CDH12: variants seen among roughly 807,000 people sequenced by gnomAD.
CDH12 encodes the protein cadherin-12.
A neutral mutation model predicts 74.1 loss-of-function variants in CDH12; 41 were observed. The ratio of observed to expected loss-of-function variants is 0.55; its 90% CI spans 0.43 to 0.72. The LOEUF (loss-of-function observed/expected upper bound fraction) is 0.72. Among genes scored for constraint, CDH12 ranks in the 30% least tolerant of loss-of-function variants. The pLI is 0.00. For missense variants in CDH12, 945 were observed against 977.2 expected (o/e 0.97, Z 0.44); for synonymous variants, 399 against 355.0 (o/e 1.12, Z -1.39).
intron 6 of CDH12, among the ~76,000 whole-genome samples, chr5:21,911,887 G>A (rs558735961): frequency 1.1e-4 from 16 of 152,042 alleles, no homozygotes; most frequent in African/African-American, 3.9e-4. Context: ...TATAACATTT[G>A]TGATTGTATT....
In CDH12 at chr5:22,156,095, T is replaced by C. The variant is rs1220523081; in HGVS notation, c.-187+56403A>G. On this transcript the variant is annotated intron_variant, in intron 4 of 14. Transcript: ENST00000382254. ...ATAAAAGATAACATTAAATATTCTATTCCTGTTTTCACTTATGCGTTCACT... is the reference window on the plus strand; with the variant it reads ...ATAAAAGATAACATTAAATATTCTACTCCTGTTTTCACTTATGCGTTCACT... Among the ~76,000 whole-genome samples, 3 of 152,312 alleles carry C rather than the reference T, an allele frequency of 2.0e-5. No individual in the cohort carries two copies. The East Asian group carries it at 5.8e-4, about 29-fold the overall frequency.
chr5:22,301,504 C>A (rs1196888609), intron 3 of CDH12, among the ~76,000 whole-genome samples: 3 of 152,062 alleles, frequency 2.0e-5, no homozygotes, highest in Non-Finnish European at 4.4e-5. Flanking sequence ...ACAAAAGAGC[C>A]AAGTAAACTT....
chr5:22,356,127 G>A (rs935908747), intron 3 of CDH12, among the ~76,000 whole-genome samples: 1 of 152,074 alleles, frequency 6.6e-6, no homozygotes, highest in Non-Finnish European at 1.5e-5. Context: ...CTAAACAAGA[G>A]CCTTTTTCAA....
intron 1 of CDH12, among the ~76,000 whole-genome samples, chr5:22,826,134 A>G (rs1736311978): frequency 6.6e-6 from 1 of 152,164 alleles, no homozygotes; most frequent in African/African-American, 2.4e-5. Flanking sequence ...ATTGTGGGAC[A>G]GACATGGTGG....
At chr5:22,849,492 A>G (rs1737452878) in intron 1 of CDH12, among the ~76,000 whole-genome samples, 1 of 152,178 alleles carries the variant, frequency 6.6e-6, no homozygotes, top group Non-Finnish European at 1.5e-5. Context: ...CGGTAAGTCT[A>G]AATACACTAC....
intron 2 of CDH12, among the ~76,000 whole-genome samples, chr5:22,419,863 T>C (rs1352188002): frequency 6.6e-6 from 1 of 152,212 alleles, no homozygotes; most frequent in Non-Finnish European, 1.5e-5. Context: ...TGAGATGGTA[T>C]GGCATTGTGG....
chr5:22,629,515 G>A (rs370462778), intron 1 of CDH12, among the ~76,000 whole-genome samples: 1 of 151,908 alleles, frequency 6.6e-6, no homozygotes, highest in Non-Finnish European at 1.5e-5. Flanking sequence ...AAAACCACAC[G>A]ATCATCTCAA....
chr5:21,999,420 C>T (rs1470337789), intron 5 of CDH12, among the ~76,000 whole-genome samples: 1 of 152,100 alleles, frequency 6.6e-6, no homozygotes, highest in Non-Finnish European at 1.5e-5. Context: ...GCACACAAAC[C>T]CATTGAACTG....
At chr5:22,672,972 T>A (rs1740982832) in intron 1 of CDH12, among the ~76,000 whole-genome samples, 1 of 152,174 alleles carries the variant, frequency 6.6e-6, no homozygotes, top group Admixed American at 6.6e-5. Flanking sequence ...TACCTTTAAT[T>A]TCTTAATTGC....
At chr5:22,026,414 T>A (rs1200126353) in intron 5 of CDH12, among the ~76,000 whole-genome samples, 1 of 152,110 alleles carries the variant, frequency 6.6e-6, no homozygotes, top group Non-Finnish European at 1.5e-5. Context: ...TGCTAACCCT[T>A]GGTTTCGTTA....
intron 1 of CDH12, among the ~76,000 whole-genome samples, chr5:22,699,377 T>A (rs1284459762): frequency 6.6e-6 from 1 of 152,212 alleles, no homozygotes; most frequent in East Asian, 1.9e-4. Flanking sequence ...AAAGTGGGAT[T>A]TCATGTGAAT....
chr5:22,301,471 C>G (rs1273090045), intron 3 of CDH12, among the ~76,000 whole-genome samples: 1 of 152,060 alleles, frequency 6.6e-6, no homozygotes, highest in Non-Finnish European at 1.5e-5. Context: ...TTTGAATCAT[C>G]AGAAAATAAA....
chr5:21,901,172 T>A (rs1228015870), intron 6 of CDH12, among the ~76,000 whole-genome samples: 3 of 152,196 alleles, frequency 2.0e-5, no homozygotes, highest in Non-Finnish European at 2.9e-5. Context: ...AGTTGAGTCA[T>A]GTTCAAGAAA....
intron 4 of CDH12, among the ~76,000 whole-genome samples, chr5:22,114,653 T>C (rs769471642): frequency 6.6e-5 from 10 of 152,212 alleles, no homozygotes; most frequent in Non-Finnish European, 1.3e-4. Flanking sequence ...TCTTTTCTTC[T>C]TATATTGTTG....
intron 5 of CDH12, among the ~76,000 whole-genome samples, chr5:21,980,141 A>G (rs1474333976): frequency 7.7e-6 from 1 of 130,718 alleles, no homozygotes; most frequent in Non-Finnish European, 1.5e-5. Context: ...TAAAACTTAA[A>G]GTATAATAAA....
rs190367832 is a variant in CDH12, at chr5:21,761,617, C to G, written c.1516-942G>C. 1.6e-4 allele frequency among the ~76,000 whole-genome samples: 24 copies of G among 152,158 alleles called. 1 individual carries two copies. Among genetic ancestry groups the G allele is most frequent in the African/African-American group, 5.3e-4 (22 of 41,514 alleles). ...TGCATCATGTGATCTTACACTGATG[C>G]TATTAAACGTGAGATTCAGTTAAAA... On this transcript the variant is annotated intron_variant, in intron 12 of 14. Coordinates refer to ENST00000382254, the MANE Select transcript of CDH12 (RefSeq NM_004061.5).
intron 3 of CDH12, among the ~76,000 whole-genome samples, chr5:22,310,462 C>CAAAAAA (rs33959662): frequency 7.2e-6 from 1 of 138,790 alleles, no homozygotes; most frequent in African/African-American, 2.7e-5. Context: ...GACTCTGTCT[C>CAAAAAA]AAAAAAAAAA....
chr5:21,872,895 A>ATCTATCTATCTATCTATCTG (rs1321417604), intron 6 of CDH12, among the ~76,000 whole-genome samples: 1 of 1,866 alleles, frequency 5.4e-4, no homozygotes, highest in Admixed American at 0.01. Context: ...CCTATCATCC[A>ATCTATCTATCTATCTATCTG]TCTATCTATC....
intron 1 of CDH12, among the ~76,000 whole-genome samples, chr5:22,557,402 G>A (rs1053821277): frequency 7.2e-5 from 11 of 152,058 alleles, no homozygotes; most frequent in Admixed American, 1.3e-4. Flanking sequence ...GGTCTTACCC[G>A]AATGAACATT....
Sources: allele counts gnomAD v4.1 joint callset (sites outside exome capture counted in the v4.1 genomes callset), GRCh38; gene constraint gnomAD v4.1.1; transcripts MANE v1.5; gene names NCBI Gene and HGNC (gene_info 2026-07-23, HGNC 2026-07-21).